MFSD8: variants seen among roughly 807,000 people sequenced by gnomAD.
The protein encoded by MFSD8 is major facilitator superfamily domain containing 8.
In MFSD8, 55 loss-of-function variants were observed where a neutral mutation model predicts 66.4. The observed-to-expected ratio is 0.83, with a 90% CI of 0.67 to 1.04. The LOEUF (loss-of-function observed/expected upper bound fraction) is 1.04, where lower values mean the gene tolerates loss of function less well. Among genes scored for constraint, MFSD8 ranks in the 50% least tolerant of loss-of-function variants. MFSD8 has a pLI of 0.00. For synonymous variants in MFSD8, 202 were observed against 212.8 expected, an observed-to-expected ratio of 0.95 and a Z score of 0.44; for missense variants, 550 against 627.6, an observed-to-expected ratio of 0.88 and a Z score of 1.32.
In MFSD8 at chr4:127,957,275, T is replaced by C. The variant is rs181292781; in HGVS notation, c.154+226A>G. On this transcript the variant is annotated intron_variant, in intron 2 of 11. Coordinates refer to ENST00000641686, the MANE Select transcript of MFSD8 (RefSeq NM_001371596.2). ...AAAATAGGGAGTTGTTTAATGGGTA[T>C]AGAGTTTCTCTTTTGCAAGATGAAA... Among the ~76,000 whole-genome samples the C allele has an allele frequency of 4.1e-3, 628 of 152,308 alleles. 6 individuals carry two copies. The highest frequency in any genetic ancestry group is 0.014 in the African/African-American group (599 of 41,576).
At chr4:127,941,027 G>A (rs953961095) in intron 5 of MFSD8, among the ~76,000 whole-genome samples, 4 of 151,950 alleles carry the variant, frequency 2.6e-5, no homozygotes, top group African/African-American at 9.7e-5. Flanking sequence ...CTTTTAAGGT[G>A]GTAAAAAATA....
At chr4:127,938,940 T>C (rs956053506) in intron 6 of MFSD8, 102 bp from the exon 7 acceptor site, 7 of 853,294 alleles carry the variant, frequency 8.2e-6, no homozygotes, top group Non-Finnish European at 1.3e-5. Context: ...TCTAATATAG[T>C]TTCTTTTATT....
intron 2 of MFSD8, among the ~76,000 whole-genome samples, chr4:127,955,317 T>C (rs1578973706): frequency 1.3e-5 from 2 of 151,370 alleles, no homozygotes; most frequent in South Asian, 2.1e-4. Flanking sequence ...CTGAGGCCGG[T>C]GGATCACGAG....
In MFSD8 at chr4:127,964,539, CCCG is replaced by C. The variant is rs1260921658; in HGVS notation, c.62+530_62+532del. 5 of 170,594 alleles carry C rather than the reference CCCG, an allele frequency of 2.9e-5. No individual in the cohort carries two copies. The East Asian group carries it at 7.1e-4, about 24-fold the overall frequency. 10.6% of individuals were successfully genotyped at this position (170,594 alleles called of 1,614,324 possible). A position where few individuals can be genotyped will look rare whatever the true frequency, so the allele number is the denominator to read the frequency against. On this transcript the variant is annotated intron_variant, in intron 1 of 11. Transcript: ENST00000641686. ...CCGGCCTGCTGCTCCCAGTGCGGGGCCCGCCAAGCCCACGCCCACTCGGAACTC... is the reference window on the plus strand; with the variant it reads ...CCGGCCTGCTGCTCCCAGTGCGGGGCCCAAGCCCACGCCCACTCGGAACTC...
Position 127,933,045 on chromosome 4 carries a change from G to A in MFSD8, c.803C>T (p.Ala268Val). Residue 268 changes from alanine (A) to valine (V), a missense_variant, in exon 8 of 12, where the codon GCT becomes GTT. Transcript: ENST00000641686. ...AAACAGAACATTGATGGCCACAACA[G>A]CAACCTGGTCAATATTTCCTTGGGG... ...QVPQGNIDQV[A>V]VVAINVLFFV... 1 of 1,613,800 alleles carries A rather than the reference G, an allele frequency of 6.2e-7. No individual in the cohort carries two copies.
chr4:127,940,251 T>C (rs1436060059), intron 5 of MFSD8, among the ~76,000 whole-genome samples: 1 of 151,814 alleles, frequency 6.6e-6, no homozygotes, highest in East Asian at 1.9e-4. Context: ...TAAAATTTTA[T>C]GGGGTAAAGA....
chr4:127,950,476 G>C (rs948585552), intron 2 of MFSD8, among the ~76,000 whole-genome samples: 1 of 152,032 alleles, frequency 6.6e-6, no homozygotes, highest in African/African-American at 2.4e-5. Flanking sequence ...GATTACCTAA[G>C]GTCAGGAGTT....
At position 127,933,063 on chromosome 4, in the gene MFSD8, C is replaced by T; in HGVS notation, c.785G>A (p.Gly262Glu). The T allele has an allele frequency of 1.2e-6, 2 of 1,613,668 alleles. No homozygotes were observed. Among genetic ancestry groups the T allele is most frequent in the East Asian group, 2.2e-5 (1 of 44,774 alleles). Residue 262 changes from glycine to glutamate, a missense_variant, in exon 8 of 12, where the codon GGA becomes GAA. Gly to Glu is a moderately conservative substitution (Grantham distance 98, BLOSUM62 -2). Coordinates refer to ENST00000641686, the MANE Select transcript of MFSD8 (RefSeq NM_001371596.2). Reference protein sequence around the residue: ...ASTDEAQVPQGNIDQVAVVAI... With the variant: ...ASTDEAQVPQENIDQVAVVAI... ...CACAACAGCAACCTGGTCAATATTT[C>T]CTTGGGGAACCTGAGCTTCATCTGT... is the stretch of plus-strand genomic sequence containing the variant.
intron 1 of MFSD8, among the ~76,000 whole-genome samples, chr4:127,962,135 A>T (rs899608667): frequency 1.3e-5 from 2 of 152,192 alleles, no homozygotes; most frequent in Non-Finnish European, 2.9e-5. Context: ...CAGAAAAACT[A>T]AAAAGCAGAC....
intron 2 of MFSD8, among the ~76,000 whole-genome samples, chr4:127,950,167 A>G (rs1198230838): frequency 1.3e-5 from 2 of 152,210 alleles, no homozygotes; most frequent in East Asian, 3.8e-4. Context: ...AATGGAGGAA[A>G]GGCTATTTTG....
chr4:127,939,604 CAAAAAAA>C (rs10553488), intron 6 of MFSD8: 35 of 81,092 alleles, frequency 4.3e-4, no homozygotes, highest in Admixed American at 6.5e-4. Flanking sequence ...GATCTTGTCT[CAAAAAAA>C]AAAAAAAAAA....
rs70966062 is a variant in MFSD8, at chr4:127,947,898, A to ACTCT, written c.198+1902_198+1905dup. The stretch of plus-strand genomic sequence containing the variant: ...CACACACACACACACACACACACAC[A>ACTCT]CTCTCTCTCCAACCTCATAGAAAAA... On this transcript the variant is annotated intron_variant, in intron 3 of 11. Transcript: ENST00000641686. 1.0e-4 allele frequency among the ~76,000 whole-genome samples: 15 copies of ACTCT among 146,938 alleles called. No individual in the cohort carries two copies. In the East Asian group the frequency reaches 1.2e-3, roughly 12 times the overall value.
At position 127,947,693 on chromosome 4, in the gene MFSD8, G is replaced by A. The variant is rs79077657; in HGVS notation, c.198+2111C>T. On this transcript the variant is annotated intron_variant, in intron 3 of 11. Coordinates refer to ENST00000641686, the MANE Select transcript of MFSD8 (RefSeq NM_001371596.2). ...AGGAAGGAGAAAGGGGAGAGCAAAA[G>A]AAAGATGGAGAGAGGAAAAGCATTC... 5.7e-3 allele frequency among the ~76,000 whole-genome samples: 862 copies of A among 151,962 alleles called. 9 individuals are homozygous for A. The highest frequency in any genetic ancestry group is 0.02 in the Middle Eastern group (6 of 294).
chr4:127,934,629 G>C (rs926709959), intron 7 of MFSD8: 2 of 149,132 alleles, frequency 1.3e-5, no homozygotes, highest in East Asian at 2.0e-4. Context: ...TGCCAGGCTG[G>C]AGTGCAGAGA....
chr4:127,936,991 T>TA (rs1739189642), intron 7 of MFSD8, among the ~76,000 whole-genome samples: 1 of 152,222 alleles, frequency 6.6e-6, no homozygotes, highest in Admixed American at 6.5e-5. Context: ...TCCTATTTTT[T>TA]ACCTTTGAAA....
At position 127,920,753 on chromosome 4, in the gene MFSD8, G is replaced by C; in HGVS notation, c.1434C>G (p.His478Gln). The change falls in exon 12 of 12, where the codon CAC becomes CAG. Residue 478 changes from histidine to glutamine, a missense_variant. Transcript: ENST00000641686. Reference protein sequence around the residue: ...GPMFISQVYAHWGPRWAFSLV... With the variant: ...GPMFISQVYAQWGPRWAFSLV... ...GGCTGAATGCCCATCGTGGTCCCCA[G>C]TGAGCATACACTTGGCTGATGAACA... 6.2e-7 allele frequency: 1 copy of C among 1,614,128 alleles called. No individual in the cohort carries two copies. The highest frequency in any genetic ancestry group is 8.5e-7 in the Non-Finnish European group (1 of 1,180,024).
At chr4:127,939,770 A>G in intron 6 of MFSD8, 83 bp downstream of exon 6, 1 of 1,461,136 alleles carries the variant, frequency 6.8e-7, no homozygotes, top group Non-Finnish European at 9.4e-7. Flanking sequence ...TACACTTCAT[A>G]AGGATAATTA....
intron 9 of MFSD8, among the ~76,000 whole-genome samples, chr4:127,930,297 T>A (rs187811128): frequency 6.6e-6 from 1 of 152,212 alleles, no homozygotes; most frequent in East Asian, 1.9e-4. Context: ...TTTGCCATGA[T>A]GATGATATAG....
chr4:127,929,966 G>A (rs548253600), intron 9 of MFSD8, among the ~76,000 whole-genome samples: 1 of 152,132 alleles, frequency 6.6e-6, no homozygotes, highest in South Asian at 2.1e-4. Context: ...ACTTATGCTG[G>A]GCGCAGTGGC....
Sources: allele counts gnomAD v4.1 joint callset (sites outside exome capture counted in the v4.1 genomes callset), GRCh38; gene constraint gnomAD v4.1.1; transcripts MANE v1.5; gene names NCBI Gene and HGNC (gene_info 2026-07-23, HGNC 2026-07-21).